The following TMEM26 variants were observed in gnomAD, a reference collection of about 807,000 sequenced individuals.
TMEM26 encodes the protein transmembrane protein 26.
TMEM26 carries 38 observed loss-of-function variants against 28.8 expected under a neutral mutation model. The observed-to-expected ratio is 1.32, with a 90% CI of 1.02 to 1.73. The LOEUF is 1.73. Among genes scored for constraint, TMEM26 ranks in the 40% most tolerant of loss-of-function variants. The pLI, the probability that TMEM26 is intolerant of heterozygous loss-of-function variation, is 0.00. For synonymous variants in TMEM26, 227 were observed against 182.9 expected (o/e 1.24, Z -1.95); for missense variants, 518 against 447.1 (o/e 1.16, Z -1.43).
In TMEM26 at chr10:61,452,972, C is replaced by T; in HGVS notation, c.110G>A (p.Trp37Ter). Residue 37 changes from tryptophan to a stop codon, truncating the protein, a stop_gained, in exon 1 of 6, where the codon TGG (tryptophan) becomes TAG (stop). Transcript: ENST00000399298. LOFTEE classifies it high-confidence loss of function. ...CAAGAGGTTGAGCAGCGCAAGCAGCCAGTACCGCGGCTCCTTCTTCACCTC... is the reference window on the plus strand; with the variant it reads ...CAAGAGGTTGAGCAGCGCAAGCAGCTAGTACCGCGGCTCCTTCTTCACCTC... ...VTEVKKEPRY[W>*]LLALLNLLLF... The T allele has an allele frequency of 6.2e-7, 1 of 1,614,086 alleles. No individual in the cohort carries two copies. Among genetic ancestry groups the T allele is most frequent in the Admixed American group, 1.7e-5 (1 of 60,030 alleles).
Position 61,430,188 on chromosome 10 carries a change from C to A in TMEM26, c.384+1031G>T, listed in dbSNP as rs141617860. Among the ~76,000 whole-genome samples, 1,248 of 152,014 alleles carry A rather than the reference C, an allele frequency of 8.2e-3. 10 individuals carry two copies. The highest frequency in any genetic ancestry group is 0.024 in the African/African-American group (1,002 of 41,478). The stretch of plus-strand genomic sequence containing the variant: ...ATGAAAAACTGAGAGAGAAACTAAG[C>A]GATTGTCCAGACTGATATAAATAAA... On this transcript the variant is annotated intron_variant, in intron 3 of 5. Transcript: ENST00000399298.
chr10:61,426,225 A>G (rs1839829632), intron 4 of TMEM26, among the ~76,000 whole-genome samples: 1 of 152,144 alleles, frequency 6.6e-6, no homozygotes, highest in South Asian at 2.1e-4. Context: ...TCTAGGAAAG[A>G]AAAATCCACA....
rs1424850850 is a variant in TMEM26, at chr10:61,407,272, C to A, written c.*3050G>T. Reference sequence around the variant, plus strand: ...AATGTTCAATTAAATAATGAGTTAACAATTAGTATTATAATAGTGAATCCT... The same window carrying A: ...AATGTTCAATTAAATAATGAGTTAAAAATTAGTATTATAATAGTGAATCCT... On this transcript the variant is annotated 3_prime_UTR_variant, in exon 6 of 6. Coordinates refer to ENST00000399298, the MANE Select transcript of TMEM26 (RefSeq NM_178505.8). 1.3e-5 allele frequency: 2 copies of A among 152,092 alleles called. No individual in the cohort carries two copies. The highest frequency in any genetic ancestry group is 1.3e-4 in the Admixed American group (2 of 15,272). The allele number at this position is 152,092 out of a possible 1,614,324, so 9.4% of individuals were successfully genotyped here. A position where few individuals can be genotyped will look rare whatever the true frequency, so the allele number is the denominator to read the frequency against.
intron 4 of TMEM26, among the ~76,000 whole-genome samples, chr10:61,422,021 T>C (rs1331254591): frequency 6.6e-6 from 1 of 152,098 alleles, no homozygotes. Flanking sequence ...CCTATATTTG[T>C]AGGAGACAAA....
In TMEM26 at chr10:61,431,337, G is replaced by A. The variant is rs376794684; in HGVS notation, c.271-5C>T. 1,097 of 1,611,156 alleles carry A rather than the reference G, an allele frequency of 6.8e-4. 1 individual carries two copies. Among genetic ancestry groups the A allele is most frequent in the Non-Finnish European group, 8.7e-4 (1,020 of 1,177,660 alleles). On this transcript the variant is annotated splice_polypyrimidine_tract_variant and splice_region_variant and intron_variant, in intron 2 of 5. Transcript: ENST00000399298. ...TTCAGCCTGGATACTGCAATACTAA[G>A]AATGGGGTCAGGGAAGGCAATTATG...
chr10:61,447,840 C>T (rs927649616), intron 1 of TMEM26, among the ~76,000 whole-genome samples: 1 of 152,188 alleles, frequency 6.6e-6, no homozygotes, highest in Non-Finnish European at 1.5e-5. Flanking sequence ...TGGCACCTTC[C>T]CCTGCACACC....
chr10:61,411,183 C>T (rs117557958), intron 5 of TMEM26, among the ~76,000 whole-genome samples: 1,778 of 152,232 alleles, frequency 0.012, 15 homozygotes, highest in Middle Eastern at 0.041. Flanking sequence ...GCATGACTGC[C>T]GCATTTTCCA....
chr10:61,420,458 C>T (rs901320408), intron 4 of TMEM26, among the ~76,000 whole-genome samples: 5 of 152,128 alleles, frequency 3.3e-5, no homozygotes, highest in African/African-American at 1.2e-4. Flanking sequence ...ACAGTTCAAA[C>T]TCATGTTATT....
chr10:61,442,467 A>G (rs1840110399), intron 1 of TMEM26, among the ~76,000 whole-genome samples: 2 of 152,214 alleles, frequency 1.3e-5, no homozygotes, highest in South Asian at 4.1e-4. Context: ...TCATATGTAT[A>G]TATCTGAAAA....
At chr10:61,434,253 C>T (rs1447168698) in intron 2 of TMEM26, among the ~76,000 whole-genome samples, 1 of 152,166 alleles carries the variant, frequency 6.6e-6, no homozygotes. Flanking sequence ...AAATCCATTA[C>T]TACTAAAGGT....
intron 1 of TMEM26, among the ~76,000 whole-genome samples, chr10:61,439,783 A>G (rs576089052): frequency 6.6e-6 from 1 of 152,326 alleles, no homozygotes; most frequent in East Asian, 1.9e-4. Flanking sequence ...GTGCTCAATA[A>G]ATGTACTTGC....
intron 1 of TMEM26, among the ~76,000 whole-genome samples, chr10:61,446,360 C>A (rs1222298371): frequency 6.6e-6 from 1 of 152,172 alleles, no homozygotes; most frequent in Non-Finnish European, 1.5e-5. Context: ...ATATAAAACA[C>A]ACATTCCCAC....
chr10:61,415,187 G>C (rs2135288783), intron 4 of TMEM26: 1 of 983,708 alleles, frequency 1.0e-6, no homozygotes, highest in Non-Finnish European at 1.2e-6. Flanking sequence ...ATAGAAGAAA[G>C]AGCATTTCAC....
chr10:61,445,217 G>A (rs146046425), intron 1 of TMEM26, among the ~76,000 whole-genome samples: 9 of 152,194 alleles, frequency 5.9e-5, no homozygotes, highest in South Asian at 2.1e-4. Flanking sequence ...CATCACCATC[G>A]TCATCACTAG....
intron 2 of TMEM26, among the ~76,000 whole-genome samples, chr10:61,434,144 CT>C (rs923945340): frequency 2.0e-5 from 3 of 152,100 alleles, no homozygotes; most frequent in Non-Finnish European, 2.9e-5. Flanking sequence ...AATTCCAATA[CT>C]TTTTTTCTCT....
chr10:61,414,715 GC>G (rs1384443032), intron 4 of TMEM26: 1 of 152,114 alleles, frequency 6.6e-6, no homozygotes, highest in African/African-American at 2.4e-5. Flanking sequence ...ATTTCTGAGA[GC>G]CCTTTTAGAA....
chr10:61,410,276 G>T lies in TMEM26; in HGVS notation c.*46C>A. 6.5e-7 allele frequency: 1 copy of T among 1,533,590 alleles called. No individual in the cohort carries two copies. The highest frequency in any genetic ancestry group is 1.3e-5 in the South Asian group (1 of 79,686). 95.0% of individuals were successfully genotyped at this position (1,533,590 alleles called of 1,614,324 possible). A position where few individuals can be genotyped will look rare whatever the true frequency, so the allele number is the denominator to read the frequency against. Reference sequence around the variant, plus strand: ...AGAAAAAGGATCCTCCCTGTAAGAAGAACCAGGGAGTCAGGTTCTAGCCGC... The same window carrying T: ...AGAAAAAGGATCCTCCCTGTAAGAATAACCAGGGAGTCAGGTTCTAGCCGC... On this transcript the variant is annotated 3_prime_UTR_variant, in exon 6 of 6. Transcript: ENST00000399298.
At chr10:61,432,656 T>A (rs7088627) in intron 2 of TMEM26, among the ~76,000 whole-genome samples, 99,389 of 147,650 alleles carry the variant, frequency 0.67, 34,852 homozygotes, top group Non-Finnish European at 0.79. Flanking sequence ...CTTATTTTTT[T>A]AAAAAAAATT....
chr10:61,427,924 T>C (rs1414596927), intron 4 of TMEM26, among the ~76,000 whole-genome samples: 1 of 152,120 alleles, frequency 6.6e-6, no homozygotes, highest in East Asian at 1.9e-4. Context: ...ATCAACACTT[T>C]GAAGATAATG....
Sources: allele counts gnomAD v4.1 joint callset (sites outside exome capture counted in the v4.1 genomes callset), GRCh38; gene constraint gnomAD v4.1.1; transcripts MANE v1.5; gene names NCBI Gene and HGNC (gene_info 2026-07-23, HGNC 2026-07-21).